The following SEC31B variants were observed in gnomAD, a reference collection of about 807,000 sequenced individuals.
SEC31B encodes the protein protein transport protein Sec31B.
SEC31B carries 113 observed loss-of-function variants against 135.0 expected under a neutral mutation model. The ratio of observed to expected loss-of-function variants is 0.84; its 90% CI spans 0.72 to 0.98. The LOEUF (loss-of-function observed/expected upper bound fraction) is 0.98. Among genes scored for constraint, SEC31B ranks in the 50% least tolerant of loss-of-function variants. SEC31B has a pLI of 0.00. For missense variants in SEC31B, 1,296 were observed against 1,421.1 expected (o/e 0.91, Z 1.42); for synonymous variants, 508 against 549.4 (o/e 0.92, Z 1.05).
chr10:100,498,248 AC>A (rs1851451109), intron 14 of SEC31B, 41 bp from the exon 15 acceptor site: 8 of 1,605,634 alleles, frequency 5.0e-6, no homozygotes, highest in Middle Eastern at 1.7e-4. Flanking sequence ...TTGCTCTCAA[AC>A]CCCAACTTCC....
At chr10:100,511,412 T>C (rs1851734912) in intron 3 of SEC31B, among the ~76,000 whole-genome samples, 1 of 152,164 alleles carries the variant, frequency 6.6e-6, no homozygotes, top group Non-Finnish European at 1.5e-5. Flanking sequence ...GATGGGTGGG[T>C]GCGTACTATT....
intron 11 of SEC31B, among the ~76,000 whole-genome samples, chr10:100,500,476 G>A (rs1330295627): frequency 5.3e-5 from 8 of 151,916 alleles, no homozygotes; most frequent in East Asian, 1.9e-4. Flanking sequence ...AACCACGCCC[G>A]GCTAATTTTT....
chr10:100,513,247 G>A (rs1236392124), intron 3 of SEC31B, among the ~76,000 whole-genome samples: 1 of 152,178 alleles, frequency 6.6e-6, no homozygotes, highest in Non-Finnish European at 1.5e-5. Context: ...CAGTTACAGA[G>A]GTGGGAAAAG....
intron 22 of SEC31B, 146 bp from the exon 23 acceptor site, chr10:100,489,544 A>C: frequency 7.4e-7 from 1 of 1,344,232 alleles, no homozygotes; most frequent in Non-Finnish European, 1.0e-6. Flanking sequence ...TATGTGTGTA[A>C]GAGGGAAAGA....
Position 100,516,169 on chromosome 10 carries a change from C to G in SEC31B, c.130G>C (p.Glu44Gln). 1 of 1,613,928 alleles carries G rather than the reference C, an allele frequency of 6.2e-7. No homozygotes were observed. Among genetic ancestry groups the G allele is most frequent in the Non-Finnish European group, 8.5e-7 (1 of 1,179,944 alleles). ...DSSFSTNGTL[E>Q]IFEVDFRDPS... ...TCCCTGAAATCAACCTCAAATATTTCCAATGTGCCATTTGTGCTGAAGGAG... is the reference window on the plus strand; with the variant it reads ...TCCCTGAAATCAACCTCAAATATTTGCAATGTGCCATTTGTGCTGAAGGAG... The change falls in exon 3 of 26, where the codon GAA becomes CAA. Residue 44 changes from glutamate (E) to glutamine (Q), a missense_variant. Physicochemically the swap from Glu to Gln is conservative, Grantham distance 29. Transcript: ENST00000370345.
chr10:100,509,962 T>G (rs1245471491), intron 3 of SEC31B, among the ~76,000 whole-genome samples: 1 of 152,312 alleles, frequency 6.6e-6, no homozygotes, highest in East Asian at 1.9e-4. Flanking sequence ...TCTGAACATT[T>G]AACAACCTCA....
At chr10:100,502,119 G>A in intron 11 of SEC31B, 135 bp downstream of exon 11, 1 of 696,502 alleles carries the variant, frequency 1.4e-6, no homozygotes. Context: ...GTATAGTGTG[G>A]GGGAAAAACT....
chr10:100,515,677 T>C (rs910029084), intron 3 of SEC31B, among the ~76,000 whole-genome samples: 1 of 152,198 alleles, frequency 6.6e-6, no homozygotes, highest in Admixed American at 6.5e-5. Flanking sequence ...GCAAGAGCCA[T>C]GAAATCCATG....
chr10:100,506,487 G>T, intron 7 of SEC31B, 67 bp from the exon 8 acceptor site: 1 of 1,388,036 alleles, frequency 7.2e-7, no homozygotes, highest in South Asian at 1.2e-5. Flanking sequence ...TGCCTTATAT[G>T]TCTTTTATAC....
intron 19 of SEC31B, chr10:100,495,117 C>T (rs749562835): frequency 2.5e-5 from 10 of 401,048 alleles, no homozygotes; most frequent in East Asian, 5.7e-5. Context: ...TGAGCCACCA[C>T]GCCAGGCCTA....
At chr10:100,505,718 TG>T in intron 9 of SEC31B, 1 of 1,411,132 alleles carries the variant, frequency 7.1e-7, no homozygotes, top group Non-Finnish European at 9.2e-7. Flanking sequence ...TACAATGGAG[TG>T]TGGCACAAAA....
In SEC31B at chr10:100,496,318, G is replaced by A. The variant is rs1379844617; in HGVS notation, c.2250C>T (p.Leu750=). ...TTYRVTQYAN[L]LAAQGSLATA... Reference sequence around the variant, plus strand: ...TGGCCAGGCTGCCCTGGGCTGCCAGGAGGTTGGCATACTGAGTGACCCTGT... The same window carrying A: ...TGGCCAGGCTGCCCTGGGCTGCCAGAAGGTTGGCATACTGAGTGACCCTGT... The change falls in exon 18 of 26, where the codon CTC becomes CTT. Residue 750 remains leucine, a synonymous_variant. Coordinates refer to ENST00000370345, the MANE Select transcript of SEC31B (RefSeq NM_015490.4). 1.2e-6 allele frequency: 2 copies of A among 1,614,228 alleles called. No individual in the cohort carries two copies. Among genetic ancestry groups the A allele is most frequent in the Non-Finnish European group, 1.7e-6 (2 of 1,180,028 alleles).
chr10:100,488,066 C>T lies in SEC31B; in HGVS notation c.3321G>A (p.Gln1107=). Residue 1107 remains glutamine, a synonymous_variant, in exon 25 of 26, where the codon CAG becomes CAA. Transcript: ENST00000370345. ...GCTTCTCATATAGATACTCCAGACG[C>T]TGGGCTGCCTCTTCCAGCTTCCTTT... The part of the protein sequence containing the change: ...KTKRKLEEAA[Q]RLEYLYEKLC... The T allele has an allele frequency of 6.2e-7, 1 of 1,614,132 alleles. No homozygotes were observed. The highest frequency in any genetic ancestry group is 8.5e-7 in the Non-Finnish European group (1 of 1,180,010).
At chr10:100,504,992 CA>C (rs1851597251) in intron 10 of SEC31B, among the ~76,000 whole-genome samples, 1 of 151,738 alleles carries the variant, frequency 6.6e-6, no homozygotes, top group African/African-American at 2.4e-5. Flanking sequence ...ACGTTTTGAA[CA>C]GAGAAATGAC....
At chr10:100,495,145 ATATC>A (rs1328305193) in intron 19 of SEC31B, 3 of 472,192 alleles carry the variant, frequency 6.4e-6, no homozygotes, top group Non-Finnish European at 1.2e-5. Context: ...TATTTTTTAC[ATATC>A]TATCTTTCGA....
intron 23 of SEC31B, 73 bp from the exon 24 acceptor site, chr10:100,489,047 C>G: frequency 6.5e-7 from 1 of 1,535,506 alleles, no homozygotes; most frequent in Non-Finnish European, 8.7e-7. Flanking sequence ...AAGGACTAGT[C>G]CCCAGTGACT....
intron 14 of SEC31B, chr10:100,498,438 G>A (rs1262635738): frequency 3.3e-5 from 20 of 607,562 alleles, no homozygotes; most frequent in Non-Finnish European, 5.8e-5. Context: ...AGTGTGAGGT[G>A]TGCTTGATCA....
rs1156731469 is a variant in SEC31B at position 100,489,515 on chromosome 10, G to A, written c.3025-117C>T. On this transcript the variant is annotated intron_variant, in intron 22 of 25. Transcript: ENST00000370345. ...ACAGAAGAGTGAGTGTGGGAAACTG[G>A]GAAGTGAGGAGACTGGTGTATGTGT... 3.6e-6 allele frequency: 5 copies of A among 1,387,436 alleles called. No individual in the cohort carries two copies. The African/African-American group carries it at 5.8e-5, about 16-fold the overall frequency. 85.9% of individuals were successfully genotyped at this position (1,387,436 alleles called of 1,614,324 possible).
In SEC31B at chr10:100,489,325, A is replaced by T; in HGVS notation, c.3098T>A (p.Ile1033Asn). 1 of 1,613,888 alleles carries T rather than the reference A, an allele frequency of 6.2e-7. No homozygotes were observed. Among genetic ancestry groups the T allele is most frequent in the Non-Finnish European group, 8.5e-7 (1 of 1,179,954 alleles). ...VMSLTPELQG[I>N]LPSQPPVSSV... ...GGAGACAGGGGGCTGTGAGGGAAGA[A>T]TCCCTTGTAGCTCAGGGGTGAGGCT... Residue 1033 changes from isoleucine (I) to asparagine (N), a missense_variant, in exon 23 of 26, where the codon ATT becomes AAT. Ile to Asn is a moderately radical substitution (Grantham distance 149, BLOSUM62 -3). Transcript: ENST00000370345.
Sources: allele counts gnomAD v4.1 joint callset (sites outside exome capture counted in the v4.1 genomes callset), GRCh38; gene constraint gnomAD v4.1.1; transcripts MANE v1.5; gene names NCBI Gene and HGNC (gene_info 2026-07-23, HGNC 2026-07-21).